The following LRBA variants were observed in gnomAD, a reference collection of about 807,000 sequenced individuals.
LRBA encodes the protein LPS responsive beige-like anchor protein, also known as lipopolysaccharide-responsive and beige-like anchor protein.
Under a neutral mutation model 330.0 loss-of-function variants are expected in LRBA, and 176 were observed. The observed-to-expected ratio is 0.53, with a 90% CI of 0.47 to 0.60. The LOEUF (loss-of-function observed/expected upper bound fraction) is 0.60. LRBA is among the 20% of genes least tolerant of loss of function. The pLI, the probability that LRBA is intolerant of heterozygous loss-of-function variation, is 0.00. For synonymous variants in LRBA, 1,230 were observed against 1,193.0 expected (o/e 1.03, Z -0.64); for missense variants, 3,259 against 3,444.8 (o/e 0.95, Z 1.35).
intron 37 of LRBA, among the ~76,000 whole-genome samples, chr4:150,603,230 A>G (rs1192732133): frequency 6.6e-6 from 1 of 152,220 alleles, no homozygotes; most frequent in Non-Finnish European, 1.5e-5. Flanking sequence ...GTCTTTAAAA[A>G]GTTATGGATG....
intron 48 of LRBA, among the ~76,000 whole-genome samples, chr4:150,342,386 TAAAG>T (rs1311489741): frequency 6.6e-6 from 1 of 151,962 alleles, no homozygotes; most frequent in Admixed American, 6.6e-5. Context: ...TACAGAGAAA[TAAAG>T]AAGAGTAAAC....
intron 56 of LRBA, among the ~76,000 whole-genome samples, chr4:150,275,397 T>C (rs1051228895): frequency 1.3e-5 from 2 of 152,086 alleles, no homozygotes; most frequent in Non-Finnish European, 2.9e-5. Flanking sequence ...CTCTCACCAC[T>C]CCTATTCAAC....
chr4:150,564,225 T>C lies in LRBA; in HGVS notation c.6330+23823A>G, dbSNP rs556353124. Among the ~76,000 whole-genome samples, 191 of 151,984 alleles carry C rather than the reference T, an allele frequency of 1.3e-3. 1 individual carries two copies. The highest frequency in any genetic ancestry group is 9.4e-4 in the Non-Finnish European group (64 of 67,982). ...TGGAACAGAACAGAGGCCTCAGAAA[T>C]AACACCGCACATCTACAACCATCTC... is the stretch of plus-strand genomic sequence containing the variant. On this transcript the variant is annotated intron_variant, in intron 40 of 56. Transcript: ENST00000651943.
chr4:150,905,061 T>C (rs1731179373), intron 13 of LRBA, among the ~76,000 whole-genome samples: 1 of 152,170 alleles, frequency 6.6e-6, no homozygotes, highest in Non-Finnish European at 1.5e-5. Flanking sequence ...TTTCAAGTTA[T>C]GCTTAATACT....
intron 55 of LRBA, among the ~76,000 whole-genome samples, chr4:150,279,547 C>CTTCA (rs1217614409): frequency 3.3e-5 from 5 of 152,122 alleles, no homozygotes; most frequent in Non-Finnish European, 7.4e-5. Context: ...TGCCTTAAGT[C>CTTCA]TTCACTGTTT....
rs765833383 is a variant in LRBA at position 150,914,210 on chromosome 4, C to T, written c.1146G>A (p.Leu382=). ...NAAQIFAIYQ[L]GLGYKGTFKF... ...AGCAAACTACCTTGTATCCCAGGCC[C>T]AACTGATAAATAGCAAATATCTGAG... The change falls in exon 9 of 57, where the codon TTG becomes TTA. Residue 382 remains leucine (L), a synonymous_variant. Transcript: ENST00000651943. The T allele has an allele frequency of 6.8e-6, 11 of 1,606,934 alleles. No homozygotes were observed. The highest frequency in any genetic ancestry group is 7.7e-6 in the Non-Finnish European group (9 of 1,176,376).
intron 28 of LRBA, among the ~76,000 whole-genome samples, chr4:150,839,485 TC>T (rs1315516282): frequency 2.6e-5 from 4 of 152,050 alleles, no homozygotes; most frequent in African/African-American, 9.7e-5. Flanking sequence ...TTGGAACCAA[TC>T]CAAATGTCCA....
rs200324332 is a variant in LRBA, at chr4:150,690,948, T to A, written c.5755-7231A>T. 1.7e-3 allele frequency among the ~76,000 whole-genome samples: 173 copies of A among 100,392 alleles called. No homozygotes were observed. In the East Asian group the frequency reaches 0.025, roughly 15 times the overall value. 65.9% of individuals were successfully genotyped at this position (100,392 alleles called of 152,430 possible). A position where few individuals can be genotyped will look rare whatever the true frequency, so the allele number is the denominator to read the frequency against. On this transcript the variant is annotated intron_variant, in intron 36 of 56. Coordinates refer to ENST00000651943, the MANE Select transcript of LRBA (RefSeq NM_001364905.1). ...TGGTCTTTTTTTTTTTTTTTTTTTT[T>A]AGACAGAGTCTCGCTCTGTCGCCCA...
intron 28 of LRBA, 84 bp from the exon 29 acceptor site, chr4:150,832,060 CAT>C: frequency 2.6e-6 from 2 of 778,574 alleles, no homozygotes; most frequent in Non-Finnish European, 3.8e-6. Flanking sequence ...AAATACAAAA[CAT>C]GTTCACAAAT....
chr4:150,275,198 A>T (rs1746599161), intron 56 of LRBA, among the ~76,000 whole-genome samples: 1 of 152,220 alleles, frequency 6.6e-6, no homozygotes, highest in Admixed American at 6.5e-5. Context: ...ATCTCAATAG[A>T]TGCAGAAAAG....
chr4:150,992,287 G>T (rs1429702901), intron 2 of LRBA, among the ~76,000 whole-genome samples: 1 of 148,302 alleles, frequency 6.7e-6, no homozygotes, highest in African/African-American at 2.5e-5. Context: ...CTGCACTCCA[G>T]ACTGGGCAAC....
chr4:150,567,913 T>C (rs1561364264), intron 40 of LRBA, among the ~76,000 whole-genome samples: 1 of 152,074 alleles, frequency 6.6e-6, no homozygotes, highest in Non-Finnish European at 1.5e-5. Context: ...CATTGGTAGG[T>C]TAACAAAGGG....
At chr4:150,805,630 AGGAGAAGGAAAGGAAAGGAAAGGAAG>A (rs1742676984) in intron 33 of LRBA, among the ~76,000 whole-genome samples, 2 of 144,254 alleles carry the variant, frequency 1.4e-5, no homozygotes, top group South Asian at 2.2e-4. Context: ...GGAAAGGAGA[AGGAGAAGGAAAGGAAAGGAAAGGAAG>A]GGAGAAGGAA....
At chr4:150,550,117 C>T (rs968123200) in intron 40 of LRBA, among the ~76,000 whole-genome samples, 1 of 152,052 alleles carries the variant, frequency 6.6e-6, no homozygotes, top group Admixed American at 6.6e-5. Flanking sequence ...CAATGGCATG[C>T]ATATTTAGTA....
intron 32 of LRBA, among the ~76,000 whole-genome samples, chr4:150,807,515 C>T (rs1409031861): frequency 6.6e-6 from 1 of 152,144 alleles, no homozygotes; most frequent in Non-Finnish European, 1.5e-5. Flanking sequence ...ACACTCAAAG[C>T]ATTCGAAATT....
At chr4:150,327,494 G>A (rs989122209) in intron 48 of LRBA, among the ~76,000 whole-genome samples, 22 of 152,058 alleles carry the variant, frequency 1.4e-4, no homozygotes, top group African/African-American at 4.8e-4. Flanking sequence ...GTTCCTGCCC[G>A]GCAGCCCACA....
chr4:150,821,944 A>C (rs142414852), intron 30 of LRBA, among the ~76,000 whole-genome samples: 1 of 152,326 alleles, frequency 6.6e-6, no homozygotes, highest in Non-Finnish European at 1.5e-5. Context: ...GGAAGTTGAT[A>C]ATACTTAAGA....
chr4:150,533,897 T>C (rs912498594), intron 40 of LRBA, among the ~76,000 whole-genome samples: 1 of 152,164 alleles, frequency 6.6e-6, no homozygotes, highest in Non-Finnish European at 1.5e-5. Flanking sequence ...CACCTTCTGT[T>C]TTATGGCAGA....
intron 40 of LRBA, among the ~76,000 whole-genome samples, chr4:150,523,173 T>C (rs1442961703): frequency 6.6e-6 from 1 of 152,204 alleles, no homozygotes; most frequent in Non-Finnish European, 1.5e-5. Flanking sequence ...GTAGAATAAA[T>C]GTGTTTTGCA....
Sources: gnomAD v4.1 joint callset for allele counts (sites outside exome capture counted in the v4.1 genomes callset) on GRCh38, gnomAD v4.1.1 for gene constraint, MANE v1.5 for transcripts, NCBI Gene and HGNC (gene_info 2026-07-23, HGNC 2026-07-21) for gene names.